Variants in ADAMTS2 observed in about 807,000 individuals in gnomAD.
The protein encoded by ADAMTS2 is A disintegrin and metalloproteinase with thrombospondin motifs 2.
ADAMTS2 carries 50 observed loss-of-function variants against 123.0 expected under a neutral mutation model. That is an observed-to-expected ratio of 0.41 (90% CI 0.32 to 0.51). The LOEUF (loss-of-function observed/expected upper bound fraction) is 0.51, where lower values mean the gene tolerates loss of function less well. Among genes scored for constraint, ADAMTS2 ranks in the 20% least tolerant of loss-of-function variants. The probability of loss-of-function intolerance (pLI) is 0.35; values close to 1 mark genes in which losing one functional copy is unlikely to be tolerated. For missense variants in ADAMTS2, 1,494 were observed against 1,705.2 expected, an observed-to-expected ratio of 0.88 and a Z score of 2.18; for synonymous variants, 678 against 695.4, an observed-to-expected ratio of 0.98 and a Z score of 0.39.
chr5:179,300,777 G>A (rs1756493365), intron 2 of ADAMTS2, among the ~76,000 whole-genome samples: 1 of 152,204 alleles, frequency 6.6e-6, no homozygotes, highest in Non-Finnish European at 1.5e-5. Context: ...TAAACACGAT[G>A]ATATTATTTT....
rs762314815 is a variant in ADAMTS2 at position 179,129,959 on chromosome 5, G to A, written c.2430C>T (p.Gly810=). The change falls in exon 16 of 22, where the codon GGC becomes GGT. Residue 810 remains glycine, a synonymous_variant. Coordinates refer to ENST00000251582, the MANE Select transcript of ADAMTS2 (RefSeq NM_014244.5). The surrounding 1 kb of genome is among the most constrained non-coding windows in gnomAD (Gnocchi z 4.1). The part of the protein sequence containing the change: ...EDGRETLQTM[G]PLHGTITVLV... ...GAACGGTGATGGTGCCGTGGAGGGG[G>A]CCCATGGTCTGCAGCGTCTCCCGGC... 22 of 1,613,824 alleles carry A rather than the reference G, an allele frequency of 1.4e-5. No individual in the cohort carries two copies. The highest frequency in any genetic ancestry group is 7.7e-5 in the South Asian group (7 of 91,082).
chr5:179,297,794 G>A (rs12652703), intron 2 of ADAMTS2, among the ~76,000 whole-genome samples: 1 of 151,846 alleles, frequency 6.6e-6, no homozygotes, highest in African/African-American at 2.4e-5. Context: ...GTCCCTTCTC[G>A]CCTCCCCTGC....
chr5:179,216,844 G>A (rs1034198731), intron 3 of ADAMTS2, among the ~76,000 whole-genome samples: 7 of 152,254 alleles, frequency 4.6e-5, no homozygotes, highest in African/African-American at 1.7e-4. Context: ...GTAGCAAACG[G>A]TGCTAGGAAA....
intron 17 of ADAMTS2, among the ~76,000 whole-genome samples, chr5:179,126,876 C>T (rs1020612027): frequency 6.1e-5 from 9 of 147,826 alleles, no homozygotes; most frequent in Admixed American, 2.7e-4. Flanking sequence ...GAGAAGCCTG[C>T]GCAGAGGCCC....
At chr5:179,318,304 C>T (rs963123965) in intron 2 of ADAMTS2, among the ~76,000 whole-genome samples, 10 of 152,360 alleles carry the variant, frequency 6.6e-5, no homozygotes, top group Non-Finnish European at 1.2e-4. Flanking sequence ...AATGCGCTGC[C>T]GCTGAGCCTC....
rs2113190624 is a variant in ADAMTS2, at chr5:179,126,126, G to A, written c.2622C>T (p.Ser874=). The A allele has an allele frequency of 1.2e-6, 2 of 1,613,256 alleles. No individual in the cohort carries two copies. Among genetic ancestry groups the A allele is most frequent in the Non-Finnish European group, 1.7e-6 (2 of 1,180,014 alleles). The part of the protein sequence containing the change: ...SPCSKPCGGG[S]QFTKYGCRRR... ...GGCGGCAGCCATACTTGGTGAACTGGGACCCTGAAGGCAGAGAGCTCGACG... is the reference window on the plus strand; with the variant it reads ...GGCGGCAGCCATACTTGGTGAACTGAGACCCTGAAGGCAGAGAGCTCGACG... The change falls in exon 18 of 22, where the codon TCC becomes TCT. Residue 874 remains serine (S), a synonymous_variant. Coordinates refer to ENST00000251582, the MANE Select transcript of ADAMTS2 (RefSeq NM_014244.5).
chr5:179,294,119 G>A (rs1403975494), intron 2 of ADAMTS2, among the ~76,000 whole-genome samples: 1 of 152,016 alleles, frequency 6.6e-6, no homozygotes, highest in Admixed American at 6.6e-5. Flanking sequence ...AGCTGGGTGT[G>A]GTGGTGCATG....
intron 3 of ADAMTS2, among the ~76,000 whole-genome samples, chr5:179,212,152 C>A: frequency 6.6e-6 from 1 of 152,240 alleles, no homozygotes; most frequent in East Asian, 1.9e-4. Context: ...GAGTCTGCAA[C>A]CTCGGGAGCA....
At chr5:179,295,535 C>T (rs554244468) in intron 2 of ADAMTS2, among the ~76,000 whole-genome samples, 2 of 152,292 alleles carry the variant, frequency 1.3e-5, no homozygotes, top group African/African-American at 2.4e-5. Flanking sequence ...CCCTGTAGCC[C>T]GACCAGGCAG....
In ADAMTS2 at chr5:179,117,557, T is replaced by C. The variant is rs551055871; in HGVS notation, c.3179-3233A>G. ...GGATCAGGCCCATGCCCATGCATTT[T>C]TTTTTTTTTTTTTGAGATGAAGTCT... On this transcript the variant is annotated intron_variant, in intron 21 of 21. Transcript: ENST00000251582. This position sits in a 1 kb window ranked among gnomAD's most constrained non-coding sequence, Gnocchi z 4.2. 2.7e-4 allele frequency among the ~76,000 whole-genome samples: 41 copies of C among 150,086 alleles called. No individual in the cohort carries two copies. Among genetic ancestry groups the C allele is most frequent in the African/African-American group, 1.0e-3 (40 of 39,840 alleles).
At position 179,314,117 on chromosome 5, in the gene ADAMTS2, G is replaced by C. The variant is rs2113580441; in HGVS notation, c.534+29650C>G. ...GCCTATGCCCAGACCTCCAGCTTCA[G>C]GCTCTGCATCCACACGGAGGCTTCG... On this transcript the variant is annotated intron_variant, in intron 2 of 21. Transcript: ENST00000251582. This position sits in a 1 kb window ranked among gnomAD's most constrained non-coding sequence, Gnocchi z 4.5. 6.6e-6 allele frequency among the ~76,000 whole-genome samples: 1 copy of C among 152,380 alleles called. No individual in the cohort carries two copies. Among genetic ancestry groups the C allele is most frequent in the Non-Finnish European group, 1.5e-5 (1 of 68,026 alleles).
At chr5:179,254,043 A>G (rs960528803) in intron 3 of ADAMTS2, among the ~76,000 whole-genome samples, 3 of 152,190 alleles carry the variant, frequency 2.0e-5, no homozygotes, top group Non-Finnish European at 4.4e-5. Context: ...CAGTGTCAAC[A>G]CGGATCTCAC....
chr5:179,123,499 C>T (rs972927320), intron 19 of ADAMTS2, among the ~76,000 whole-genome samples: 32 of 152,362 alleles, frequency 2.1e-4, no homozygotes, highest in African/African-American at 7.0e-4. Context: ...GATATCAGCA[C>T]ACTGCAACCT....
At chr5:179,264,140 G>A (rs1424749383) in intron 3 of ADAMTS2, among the ~76,000 whole-genome samples, 1 of 152,116 alleles carries the variant, frequency 6.6e-6, no homozygotes. Flanking sequence ...TGCCTCTGCA[G>A]CCCTGATGCT....
chr5:179,135,327 T>G (rs1041835185), intron 13 of ADAMTS2, among the ~76,000 whole-genome samples: 2 of 152,198 alleles, frequency 1.3e-5, no homozygotes, highest in Admixed American at 6.5e-5. Context: ...AGCAGAGACT[T>G]CCGGTTGTTT....
intron 4 of ADAMTS2, among the ~76,000 whole-genome samples, chr5:179,182,322 G>A (rs1220017576): frequency 2.6e-5 from 4 of 152,310 alleles, no homozygotes; most frequent in African/African-American, 9.6e-5. Context: ...GCTGTGTGCA[G>A]ACCGAGCCCA....
intron 4 of ADAMTS2, among the ~76,000 whole-genome samples, chr5:179,196,265 C>T (rs1315723234): frequency 3.3e-5 from 5 of 152,088 alleles, no homozygotes; most frequent in African/African-American, 1.2e-4. Flanking sequence ...AAAAAACGGT[C>T]GTAGAACATA....
intron 20 of ADAMTS2, 28 bp from the exon 21 acceptor site, chr5:179,121,778 C>T (rs1395511310): frequency 2.7e-6 from 4 of 1,495,544 alleles, no homozygotes; most frequent in Non-Finnish European, 3.6e-6. Context: ...GGGCTGCGGC[C>T]GCAGGGCACC....
At chr5:179,282,451 G>A (rs181442348) in intron 2 of ADAMTS2, among the ~76,000 whole-genome samples, 17 of 152,322 alleles carry the variant, frequency 1.1e-4, no homozygotes, top group African/African-American at 4.1e-4. Flanking sequence ...ATATGAGGAT[G>A]TATTTCCAAA....
Sources: gnomAD v4.1 joint callset for allele counts (sites outside exome capture counted in the v4.1 genomes callset) on GRCh38, gnomAD v4.1.1 for gene constraint, Gnocchi (gnomAD v3.1) non-coding constraint, MANE v1.5 for transcripts, NCBI Gene and HGNC (gene_info 2026-07-23, HGNC 2026-07-21) for gene names.